The following CLYBL variants were observed in gnomAD, a reference collection of about 807,000 sequenced individuals.
CLYBL encodes citramalyl-CoA lyase, mitochondrial.
CLYBL carries 31 observed loss-of-function variants against 38.9 expected under a neutral mutation model. The ratio of observed to expected loss-of-function variants is 0.80; its 90% confidence interval spans 0.60 to 1.08. The LOEUF (loss-of-function observed/expected upper bound fraction) is 1.08, where lower values mean the gene tolerates loss of function less well. Among genes scored for constraint, CLYBL ranks in the 50% least tolerant of loss-of-function variants. The pLI is 0.00. For missense variants in CLYBL, 434 were observed against 411.6 expected, an observed-to-expected ratio of 1.05 and a Z score of -0.47; for synonymous variants, 171 against 158.6, an observed-to-expected ratio of 1.08 and a Z score of -0.59.
intron 1 of CLYBL, among the ~76,000 whole-genome samples, chr13:99,682,178 C>T (rs2139400688): frequency 6.6e-6 from 1 of 151,772 alleles, no homozygotes; most frequent in African/African-American, 2.4e-5. Context: ...GAGTCTCGCT[C>T]TGTCGCCCAG....
chr13:99,679,154 T>C (rs1594115770), intron 1 of CLYBL, among the ~76,000 whole-genome samples: 1 of 150,834 alleles, frequency 6.6e-6, no homozygotes. Flanking sequence ...ATTAGCCGGG[T>C]GTGGTGGCGG....
intron 2 of CLYBL, among the ~76,000 whole-genome samples, chr13:99,835,738 T>A (rs1056275914): frequency 6.6e-6 from 1 of 152,178 alleles, no homozygotes; most frequent in African/African-American, 2.4e-5. Flanking sequence ...AGCTGAGTAG[T>A]TGAACAGCTG....
chr13:99,665,532 T>C (rs984494388), intron 1 of CLYBL, among the ~76,000 whole-genome samples: 7 of 151,998 alleles, frequency 4.6e-5, no homozygotes, highest in African/African-American at 1.7e-4. Flanking sequence ...TGAAAAAAAT[T>C]ATTAAACTTT....
rs73559315 is a variant in CLYBL at position 99,849,652 on chromosome 13, G to A, written c.250-9209G>A. 0.012 allele frequency among the ~76,000 whole-genome samples: 1,783 copies of A among 152,320 alleles called. 22 individuals carry two copies. The highest frequency in any genetic ancestry group is 0.044 in the Middle Eastern group (13 of 294). ...AGTTTGAGTCAGAGGTGCCTCAGAG[G>A]CCCATAAGGATGCCTGTCAAGGTCT... is the stretch of plus-strand genomic sequence containing the variant. On this transcript the variant is annotated intron_variant, in intron 2 of 8. Coordinates refer to ENST00000339105, the MANE Select transcript of CLYBL (RefSeq NM_206808.5). The surrounding 1 kb of genome is among the most constrained non-coding windows in gnomAD (Gnocchi z 4.9).
chr13:99,761,442 G>T (rs2049163762), intron 1 of CLYBL, among the ~76,000 whole-genome samples: 1 of 152,190 alleles, frequency 6.6e-6, no homozygotes, highest in South Asian at 2.1e-4. Flanking sequence ...GTCTTTCAGT[G>T]CTTGGCTTAT....
chr13:99,888,715 C>T (rs1332030865), intron 7 of CLYBL, among the ~76,000 whole-genome samples: 1 of 152,152 alleles, frequency 6.6e-6, no homozygotes, highest in African/African-American at 2.4e-5. Context: ...CACCACTGCA[C>T]TCCAGCCTGA....
At chr13:99,650,382 A>T (rs893587970) in intron 1 of CLYBL, among the ~76,000 whole-genome samples, 2 of 152,158 alleles carry the variant, frequency 1.3e-5, no homozygotes, top group Non-Finnish European at 2.9e-5. Context: ...TGGTTGTCCC[A>T]CCGTACTCCA....
downstream of CLYBL, chr13:99,892,663 A>G (rs547093038): frequency 6.5e-6 from 1 of 152,780 alleles, no homozygotes; most frequent in East Asian, 1.9e-4. Flanking sequence ...CAACGCTGCT[A>G]CTCTTAGACA....
At chr13:99,900,636 A>G (rs182219482), downstream of CLYBL, among the ~76,000 whole-genome samples, 100 of 152,036 alleles carry the variant, frequency 6.6e-4, no homozygotes, top group African/African-American at 2.3e-3. Flanking sequence ...TGCTGGCAAA[A>G]CCAAGACTAC....
At chr13:99,757,570 C>G (rs1161986000) in intron 1 of CLYBL, among the ~76,000 whole-genome samples, 1 of 152,150 alleles carries the variant, frequency 6.6e-6, no homozygotes, top group Non-Finnish European at 1.5e-5. Flanking sequence ...ATTCTCCTGC[C>G]TTGGCTGCCA....
Position 99,845,565 on chromosome 13 carries a change from G to A in CLYBL, c.250-13296G>A, listed in dbSNP as rs559223504. Among the ~76,000 whole-genome samples the A allele has an allele frequency of 1.4e-4, 22 of 152,348 alleles. 1 individual carries two copies. The highest frequency in any genetic ancestry group is 9.2e-4 in the Admixed American group (14 of 15,300). ...GAAATCAAATGCGGTGCCAGCCACG[G>A]CATTGTTTTATTAGCATTTGCTCGA... On this transcript the variant is annotated intron_variant, in intron 2 of 8. Transcript: ENST00000339105.
chr13:99,777,796 C>T (rs1203553884), intron 2 of CLYBL, among the ~76,000 whole-genome samples: 2 of 152,206 alleles, frequency 1.3e-5, no homozygotes, highest in African/African-American at 4.8e-5. Flanking sequence ...TTTTCTGTTA[C>T]AAGTGCTGTA....
chr13:99,829,329 G>A (rs572870838), intron 2 of CLYBL, among the ~76,000 whole-genome samples: 40 of 152,304 alleles, frequency 2.6e-4, no homozygotes, highest in Middle Eastern at 6.8e-3. Flanking sequence ...TTCTGATGCA[G>A]GAAGAATGAA....
At chr13:99,845,187 C>T (rs1338883881) in intron 2 of CLYBL, among the ~76,000 whole-genome samples, 1 of 152,140 alleles carries the variant, frequency 6.6e-6, no homozygotes, top group Non-Finnish European at 1.5e-5. Context: ...GATACAATTT[C>T]GTTTTGACGC....
chr13:99,725,169 G>A (rs532948087), intron 1 of CLYBL, among the ~76,000 whole-genome samples: 2 of 152,328 alleles, frequency 1.3e-5, no homozygotes, highest in Admixed American at 6.5e-5. Context: ...ACACATGACC[G>A]TGATCTGGGA....
intron 2 of CLYBL, among the ~76,000 whole-genome samples, chr13:99,819,403 A>T (rs1421626624): frequency 8.6e-6 from 1 of 115,868 alleles, no homozygotes; most frequent in African/African-American, 3.1e-5. Context: ...TTGTATTATC[A>T]CTGGGAAAAA....
chr13:99,888,772 A>C (rs2152130210), intron 7 of CLYBL, among the ~76,000 whole-genome samples: 1 of 152,246 alleles, frequency 6.6e-6, no homozygotes, highest in South Asian at 2.1e-4. Context: ...TAAATATAAA[A>C]TATAATCATT....
At chr13:99,807,473 G>A (rs898207952) in intron 2 of CLYBL, among the ~76,000 whole-genome samples, 2 of 152,062 alleles carry the variant, frequency 1.3e-5, no homozygotes, top group Non-Finnish European at 2.9e-5. Flanking sequence ...AACAAAATGC[G>A]GTGTCTTTGT....
At chr13:99,661,020 A>G (rs1468021563) in intron 1 of CLYBL, among the ~76,000 whole-genome samples, 1 of 152,202 alleles carries the variant, frequency 6.6e-6, no homozygotes, top group Admixed American at 6.5e-5. Context: ...GTTAAGTGTC[A>G]ATTTTAGTGA....
Sources: allele counts gnomAD v4.1 joint callset (sites outside exome capture counted in the v4.1 genomes callset), GRCh38; gene constraint gnomAD v4.1.1; non-coding constraint Gnocchi (gnomAD v3.1); transcripts MANE v1.5; gene names NCBI Gene and HGNC (gene_info 2026-07-23, HGNC 2026-07-21).